The following SYT10 variants were observed in gnomAD, a reference collection of about 807,000 sequenced individuals.
The protein encoded by SYT10 is synaptotagmin-10.
Under a neutral mutation model 51.1 loss-of-function variants are expected in SYT10, and 31 were observed. That is an observed-to-expected ratio of 0.61 (90% CI 0.46 to 0.82). SYT10 has a LOEUF of 0.82. Among genes scored for constraint, SYT10 ranks in the 40% least tolerant of loss-of-function variants. SYT10 has a pLI of 0.00. For missense variants in SYT10, 603 were observed against 634.0 expected, an observed-to-expected ratio of 0.95 and a Z score of 0.53; for synonymous variants, 233 against 225.9, an observed-to-expected ratio of 1.03 and a Z score of -0.28.
intron 3 of SYT10, among the ~76,000 whole-genome samples, chr12:33,390,686 T>C (rs537103871): frequency 1.3e-5 from 2 of 152,162 alleles, no homozygotes; most frequent in Non-Finnish European, 2.9e-5. Context: ...ACACATAATG[T>C]CTGGTCAATC....
intron 2 of SYT10, among the ~76,000 whole-genome samples, chr12:33,425,781 T>G (rs1162429349): frequency 6.6e-6 from 1 of 152,152 alleles, no homozygotes; most frequent in Non-Finnish European, 1.5e-5. Context: ...TCAAATTAAG[T>G]TGGAAGACTA....
At position 33,407,284 on chromosome 12, in the gene SYT10, T is replaced by G; in HGVS notation, c.582A>C (p.Glu194Asp). The G allele has an allele frequency of 6.2e-7, 1 of 1,612,994 alleles. No individual in the cohort carries two copies. Among genetic ancestry groups the G allele is most frequent in the Non-Finnish European group, 8.5e-7 (1 of 1,180,032 alleles). ...TTGTTTCTCCTCGTTGTAAAACAGG[T>G]TCTGTGCCCATGCTAAAATCAACAC... ...VSSVDFSMGTEPVLQRGETTT... is the reference protein window; with the variant it reads ...VSSVDFSMGTDPVLQRGETTT... Residue 194 changes from glutamate (E) to aspartate (D), a missense_variant, in exon 3 of 7, where the codon GAA (glutamate) becomes GAC (aspartate). Transcript: ENST00000228567.
At chr12:33,382,543 A>T in intron 4 of SYT10, 23 bp from the exon 5 acceptor site, 1 of 1,560,114 alleles carries the variant, frequency 6.4e-7, no homozygotes, top group Non-Finnish European at 8.6e-7. Context: ...AGATAACTTT[A>T]TTAAAATAAA....
intron 3 of SYT10, among the ~76,000 whole-genome samples, chr12:33,406,578 G>A (rs114233167): frequency 6.6e-4 from 100 of 151,040 alleles, no homozygotes; most frequent in Admixed American, 1.5e-3. Context: ...TAAGAGCTAC[G>A]TTTTTTTATT....
chr12:33,405,221 CTG>C (rs1272479703), intron 3 of SYT10: 13 of 152,140 alleles, frequency 8.5e-5, no homozygotes, highest in African/African-American at 1.2e-4. Flanking sequence ...AATAATAAGA[CTG>C]AGGAATCAAG....
intron 3 of SYT10, among the ~76,000 whole-genome samples, chr12:33,395,566 C>T (rs1221517441): frequency 1.3e-5 from 2 of 152,098 alleles, no homozygotes; most frequent in African/African-American, 2.4e-5. Flanking sequence ...GAATAATAAC[C>T]CAAATATGGA....
intron 3 of SYT10, among the ~76,000 whole-genome samples, chr12:33,394,914 T>C (rs1254232551): frequency 8.5e-5 from 13 of 152,084 alleles, no homozygotes; most frequent in Admixed American, 2.6e-4. Flanking sequence ...GGTGAAACCC[T>C]GTCTCTACTA....
chr12:33,393,148 C>A (rs1866224996), intron 3 of SYT10, among the ~76,000 whole-genome samples: 3 of 152,064 alleles, frequency 2.0e-5, no homozygotes. Context: ...TTAAAACAAT[C>A]CTTCCTTGAT....
chr12:33,398,842 T>C (rs1866279351), intron 3 of SYT10, among the ~76,000 whole-genome samples: 1 of 152,198 alleles, frequency 6.6e-6, no homozygotes, highest in African/African-American at 2.4e-5. Flanking sequence ...CTTCTCATAA[T>C]TCCCATTTTA....
intron 3 of SYT10, among the ~76,000 whole-genome samples, chr12:33,397,279 G>C (rs955514818): frequency 6.6e-6 from 1 of 152,154 alleles, no homozygotes; most frequent in African/African-American, 2.4e-5. Context: ...AGAGATGTGA[G>C]CTGGGAGGAG....
At chr12:33,383,090 C>T (rs1866129632) in intron 4 of SYT10, among the ~76,000 whole-genome samples, 1 of 152,176 alleles carries the variant, frequency 6.6e-6, no homozygotes, top group African/African-American at 2.4e-5. Context: ...TCTGCTACAG[C>T]TGACTTGACA....
At chr12:33,427,939 A>T (rs1866566152) in intron 1 of SYT10, among the ~76,000 whole-genome samples, 1 of 152,242 alleles carries the variant, frequency 6.6e-6, no homozygotes. Flanking sequence ...AACATTTTAA[A>T]TCAAGGTGTT....
intron 2 of SYT10, among the ~76,000 whole-genome samples, chr12:33,419,714 T>C (rs1866484658): frequency 6.6e-6 from 1 of 151,332 alleles, no homozygotes; most frequent in Admixed American, 6.6e-5. Flanking sequence ...AAAGAGATGA[T>C]AAGCAATTGC....
Position 33,382,399 on chromosome 12 carries a change from T to C in SYT10, c.1320A>G (p.Pro440=), listed in dbSNP as rs759445702. 1.7e-5 allele frequency: 28 copies of C among 1,612,980 alleles called. No homozygotes were observed. The South Asian group carries it at 2.7e-4, about 16-fold the overall frequency. Residue 440 remains proline (P), a synonymous_variant, in exon 5 of 7, where the codon CCA becomes CCG. Coordinates refer to ENST00000228567, the MANE Select transcript of SYT10 (RefSeq NM_198992.4). The stretch of plus-strand genomic sequence containing the variant: ...AGAGGCTGACCTGGTCCACGTTCTC[T>C]GGAGGGATGTCAAAAATAATGGCCT... ...YNEAIIFDIP[P]ENVDQVSLSI...
chr12:33,377,045 A>C, intron 6 of SYT10, 144 bp from the exon 7 acceptor site: 1 of 810,700 alleles, frequency 1.2e-6, no homozygotes, highest in Non-Finnish European at 2.0e-6. Flanking sequence ...TTTGCCCTTC[A>C]GAACTTACCT....
At chr12:33,418,459 T>C (rs1866473977) in intron 2 of SYT10, among the ~76,000 whole-genome samples, 1 of 152,204 alleles carries the variant, frequency 6.6e-6, no homozygotes, top group African/African-American at 2.4e-5. Flanking sequence ...GTATCACAGA[T>C]TCACTTCAGA....
At chr12:33,426,840 G>A (rs2138433489) in intron 1 of SYT10, among the ~76,000 whole-genome samples, 1 of 152,228 alleles carries the variant, frequency 6.6e-6, no homozygotes, top group East Asian at 1.9e-4. Context: ...TTCTAAAACT[G>A]CACACAATAG....
intron 2 of SYT10, among the ~76,000 whole-genome samples, chr12:33,423,141 G>T (rs1866520418): frequency 6.6e-6 from 1 of 152,138 alleles, no homozygotes; most frequent in Non-Finnish European, 1.5e-5. Flanking sequence ...GGAGTTTCCA[G>T]CAATGCTGCT....
intron 6 of SYT10, among the ~76,000 whole-genome samples, chr12:33,379,514 C>T (rs1474011923): frequency 8.0e-6 from 1 of 124,696 alleles, no homozygotes; most frequent in East Asian, 2.4e-4. Context: ...TATTAGATTG[C>T]TCCAGCACTC....
Sources: gnomAD v4.1 joint callset for allele counts (sites outside exome capture counted in the v4.1 genomes callset) on GRCh38, gnomAD v4.1.1 for gene constraint, MANE v1.5 for transcripts, NCBI Gene and HGNC (gene_info 2026-07-23, HGNC 2026-07-21) for gene names.